Variants in ICE1 observed in about 807,000 individuals in gnomAD.
The protein encoded by ICE1 is little elongation complex subunit 1.
ICE1 carries 64 observed loss-of-function variants against 192.7 expected under a neutral mutation model. That is an observed-to-expected ratio of 0.33 (90% CI 0.27 to 0.41). ICE1 has a LOEUF of 0.41. ICE1 is among the 10% of genes least tolerant of loss of function. The pLI is 1.00. For missense variants in ICE1, 2,708 were observed against 2,696.0 expected, an observed-to-expected ratio of 1.00 and a Z score of -0.10; for synonymous variants, 1,010 against 984.5, an observed-to-expected ratio of 1.03 and a Z score of -0.49.
At chr5:5,443,568 G>A (rs777028148) in intron 6 of ICE1, among the ~76,000 whole-genome samples, 1 of 152,160 alleles carries the variant, frequency 6.6e-6, no homozygotes, top group Non-Finnish European at 1.5e-5. Context: ...AAAGGTGTTT[G>A]TCTGTGTATA....
chr5:5,439,670 CAG>C (rs1579544393), intron 3 of ICE1, among the ~76,000 whole-genome samples: 1 of 152,114 alleles, frequency 6.6e-6, no homozygotes, highest in Non-Finnish European at 1.5e-5. Context: ...TTTAGAGAAA[CAG>C]ATATTTTGAC....
intron 17 of ICE1, among the ~76,000 whole-genome samples, chr5:5,480,280 GGCTCTGTT>G (rs200713306): frequency 0.066 from 8,738 of 131,570 alleles, 898 homozygotes; most frequent in African/African-American, 0.23. Context: ...GATGGAGTCT[GGCTCTGTT>G]GCCCAGGCTG....
At chr5:5,427,423 A>G (rs184996406) in intron 1 of ICE1, among the ~76,000 whole-genome samples, 1 of 152,346 alleles carries the variant, frequency 6.6e-6, no homozygotes. Context: ...CTTTATTCTG[A>G]TGAAGGAGAG....
At chr5:5,431,642 C>T (rs904992001) in intron 1 of ICE1, among the ~76,000 whole-genome samples, 1 of 152,148 alleles carries the variant, frequency 6.6e-6, no homozygotes, top group African/African-American at 2.4e-5. Context: ...GCCATTCTAT[C>T]CCCGATTCTT....
At chr5:5,474,064 G>A (rs1837254) in intron 16 of ICE1, among the ~76,000 whole-genome samples, 9,413 of 151,998 alleles carry the variant, frequency 0.062, 952 homozygotes, top group African/African-American at 0.22. Flanking sequence ...CAAAAAATTA[G>A]CTGGGCGTGG....
intron 10 of ICE1, among the ~76,000 whole-genome samples, chr5:5,454,098 T>C (rs537344163): frequency 6.6e-6 from 1 of 152,312 alleles, no homozygotes; most frequent in South Asian, 2.1e-4. Context: ...ACTTTTCTGA[T>C]AACCTCTTAT....
intron 6 of ICE1, 69 bp from the exon 7 acceptor site, chr5:5,444,220 C>G: frequency 1.0e-6 from 1 of 984,682 alleles, no homozygotes; most frequent in East Asian, 2.7e-5. Context: ...ATATGTGCCA[C>G]AAATTATAAG....
intron 8 of ICE1, 101 bp from the exon 9 acceptor site, chr5:5,447,620 A>T: frequency 1.5e-6 from 2 of 1,376,412 alleles, no homozygotes; most frequent in South Asian, 2.6e-5. Flanking sequence ...CCTGGCAAAA[A>T]CAGTCCCAGC....
In ICE1 at chr5:5,463,860, G is replaced by A. The variant is rs749575254; in HGVS notation, c.4526G>A (p.Arg1509His). The change falls in exon 13 of 19, where the codon CGT (arginine) becomes CAT (histidine). Residue 1509 changes from arginine to histidine, a missense_variant. Arg to His is a conservative substitution (Grantham distance 29, BLOSUM62 0). Coordinates refer to ENST00000296564, the MANE Select transcript of ICE1 (RefSeq NM_015325.3). Reference sequence around the variant, plus strand: ...CAGAGCACCAACTTTGATAAGAGTCGTTTGCGAAATAGACCCGTTAAGCCT... The same window carrying A: ...CAGAGCACCAACTTTGATAAGAGTCATTTGCGAAATAGACCCGTTAAGCCT... Reference protein sequence around the residue: ...SGQSTNFDKSRLRNRPVKPSI... With the variant: ...SGQSTNFDKSHLRNRPVKPSI... The A allele has an allele frequency of 7.4e-6, 12 of 1,613,918 alleles. No individual in the cohort carries two copies. Among genetic ancestry groups the A allele is most frequent in the Middle Eastern group, 1.7e-4 (1 of 6,060 alleles).
At chr5:5,434,946 G>T (rs1199599264) in intron 1 of ICE1, among the ~76,000 whole-genome samples, 1 of 152,154 alleles carries the variant, frequency 6.6e-6, no homozygotes, top group Non-Finnish European at 1.5e-5. Flanking sequence ...CTTAATCTGT[G>T]AATTGACAGT....
chr5:5,445,806 C>T (rs1291100978), intron 7 of ICE1, among the ~76,000 whole-genome samples: 1 of 151,594 alleles, frequency 6.6e-6, no homozygotes, highest in East Asian at 1.9e-4. Flanking sequence ...GATCTCGGCT[C>T]TCTACAACCT....
At position 5,464,024 on chromosome 5, in the gene ICE1, T is replaced by C; in HGVS notation, c.4690T>C (p.Ser1564Pro). 1 of 1,613,558 alleles carries C rather than the reference T, an allele frequency of 6.2e-7. No individual in the cohort carries two copies. Among genetic ancestry groups the C allele is most frequent in the Non-Finnish European group, 8.5e-7 (1 of 1,179,828 alleles). Residue 1564 changes from serine to proline, a missense_variant, in exon 13 of 19, where the codon TCA becomes CCA. Ser to Pro is a moderately conservative substitution (Grantham distance 74, BLOSUM62 -1). Transcript: ENST00000296564. The surrounding 1 kb of genome is among the most constrained non-coding windows in gnomAD (Gnocchi z 4.0). ...NRSKISNKDQ[S>P]NKPVKTSASS... The stretch of plus-strand genomic sequence containing the variant: ...ATCAAAGATTTCAAACAAAGATCAG[T>C]CAAACAAACCAGTAAAAACTTCAGC...
In ICE1 at chr5:5,464,776, T is replaced by G; in HGVS notation, c.5442T>G (p.Gly1814=). Residue 1814 remains glycine (G), a synonymous_variant, in exon 13 of 19, where the codon GGT becomes GGG. Transcript: ENST00000296564. The surrounding 1 kb of genome is among the most constrained non-coding windows in gnomAD (Gnocchi z 4.0). Reference sequence around the variant, plus strand: ...TTGTCAAAACTGGGAGCAGCTCTGGTGGTGACTGTAACCAAGACAAGTCAA... The same window carrying G: ...TTGTCAAAACTGGGAGCAGCTCTGGGGGTGACTGTAACCAAGACAAGTCAA... ...TAFVKTGSSS[G]GDCNQDKSRD... 1 of 1,613,744 alleles carries G rather than the reference T, an allele frequency of 6.2e-7. No individual in the cohort carries two copies. The highest frequency in any genetic ancestry group is 8.5e-7 in the Non-Finnish European group (1 of 1,179,806).
At chr5:5,480,681 A>G (rs532692649) in intron 17 of ICE1, among the ~76,000 whole-genome samples, 19 of 152,312 alleles carry the variant, frequency 1.2e-4, no homozygotes, top group African/African-American at 4.1e-4. Context: ...GTATCGGCAA[A>G]TTTGCATTCC....
At chr5:5,425,046 ATTC>A (rs1286223875) in intron 1 of ICE1, among the ~76,000 whole-genome samples, 1 of 152,212 alleles carries the variant, frequency 6.6e-6, no homozygotes, top group African/African-American at 2.4e-5. Flanking sequence ...TAGCAACTGT[ATTC>A]TTCTGGTTGC....
Position 5,463,792 on chromosome 5 carries a change from C to T in ICE1, c.4458C>T (p.Gly1486=). 2.5e-6 allele frequency: 4 copies of T among 1,613,914 alleles called. No individual in the cohort carries two copies. The highest frequency in any genetic ancestry group is 3.4e-6 in the Non-Finnish European group (4 of 1,179,852). Residue 1486 remains glycine, a synonymous_variant, in exon 13 of 19, where the codon GGC becomes GGT. Coordinates refer to ENST00000296564, the MANE Select transcript of ICE1 (RefSeq NM_015325.3). Reference sequence around the variant, plus strand: ...CTGCATTTCAGGAGGCTCCATGTGGCAATAATCTTTCATGTCCCCAAGAGG... The same window carrying T: ...CTGCATTTCAGGAGGCTCCATGTGGTAATAATCTTTCATGTCCCCAAGAGG... ...TGPAFQEAPC[G]NNLSCPQEDV...
intron 15 of ICE1, among the ~76,000 whole-genome samples, chr5:5,470,724 C>T (rs1221200150): frequency 6.6e-6 from 1 of 152,092 alleles, no homozygotes. Context: ...AAAGATTTGA[C>T]ACTCAAAATT....
In ICE1 at chr5:5,463,839, G is replaced by T; in HGVS notation, c.4505G>T (p.Ser1502Ile). 6.2e-7 allele frequency: 1 copy of T among 1,613,942 alleles called. No homozygotes were observed. Among genetic ancestry groups the T allele is most frequent in the Admixed American group, 1.7e-5 (1 of 60,014 alleles). ...PQEDVSSSGQ[S>I]TNFDKSRLRN... ...GAGGATGTTTCAAGCAGTGGTCAGAGCACCAACTTTGATAAGAGTCGTTTG... is the reference window on the plus strand; with the variant it reads ...GAGGATGTTTCAAGCAGTGGTCAGATCACCAACTTTGATAAGAGTCGTTTG... Residue 1502 changes from serine to isoleucine, a missense_variant, in exon 13 of 19, where the codon AGC becomes ATC. Coordinates refer to ENST00000296564, the MANE Select transcript of ICE1 (RefSeq NM_015325.3).
rs769275827 is a variant in ICE1 at position 5,473,692 on chromosome 5, C to T, written c.6357C>T (p.Ala2119=). ...ATAACACTTGGGAATACATATTTGC[C>T]ATTGATCTGCTCTGCTGCCATCAGA... is the stretch of plus-strand genomic sequence containing the variant. ...LSDNTWEYIF[A]IDLLCCHQKW... Residue 2119 remains alanine (A), a synonymous_variant, in exon 16 of 19, where the codon GCC becomes GCT. Coordinates refer to ENST00000296564, the MANE Select transcript of ICE1 (RefSeq NM_015325.3). 6.2e-7 allele frequency: 1 copy of T among 1,613,128 alleles called. No individual in the cohort carries two copies. The highest frequency in any genetic ancestry group is 8.5e-7 in the Non-Finnish European group (1 of 1,179,654).
Sources: gnomAD v4.1 joint callset for allele counts (sites outside exome capture counted in the v4.1 genomes callset) on GRCh38, gnomAD v4.1.1 for gene constraint, Gnocchi (gnomAD v3.1) non-coding constraint, MANE v1.5 for transcripts, NCBI Gene and HGNC (gene_info 2026-07-23, HGNC 2026-07-21) for gene names.